The following AUTS2 variants were observed in gnomAD, a reference collection of about 807,000 sequenced individuals.
The protein encoded by AUTS2 is activator of transcription and developmental regulator AUTS2.
A neutral mutation model predicts 112.4 loss-of-function variants in AUTS2; 17 were observed. The ratio of observed to expected loss-of-function variants is 0.15; its 90% CI spans 0.10 to 0.23. The LOEUF (loss-of-function observed/expected upper bound fraction) is 0.23, where lower values mean the gene tolerates loss of function less well. AUTS2 is among the 10% of genes least tolerant of loss of function. The probability of loss-of-function intolerance (pLI) is 1.00; values close to 1 mark genes in which losing one functional copy is unlikely to be tolerated. For missense variants in AUTS2, 1,510 were observed against 1,701.6 expected, an observed-to-expected ratio of 0.89 and a Z score of 1.98; for synonymous variants, 751 against 702.7, an observed-to-expected ratio of 1.07 and a Z score of -1.09.
intron 1 of AUTS2, among the ~76,000 whole-genome samples, chr7:69,689,343 A>ATTTTTTTTTTTT (rs530444257): frequency 2.9e-5 from 3 of 102,500 alleles, no homozygotes; most frequent in Non-Finnish European, 5.6e-5. Flanking sequence ...TAATTAATTA[A>ATTTTTTTTTTTT]TTTTTTTTTT....
chr7:70,214,302 A>G (rs764700487), intron 4 of AUTS2, among the ~76,000 whole-genome samples: 7 of 152,198 alleles, frequency 4.6e-5, no homozygotes, highest in Non-Finnish European at 7.3e-5. Context: ...GATTCCACCC[A>G]ACCACATTTT....
At chr7:69,770,391 A>G (rs907478828) in intron 1 of AUTS2, among the ~76,000 whole-genome samples, 11 of 152,276 alleles carry the variant, frequency 7.2e-5, no homozygotes, top group African/African-American at 2.2e-4. Context: ...GAGACTCACT[A>G]CCCTCAGCCC....
In AUTS2 at chr7:70,641,365, C is replaced by T. The variant is rs183459883; in HGVS notation, c.691-57204C>T. Among the ~76,000 whole-genome samples, 634 of 152,054 alleles carry T rather than the reference C, an allele frequency of 4.2e-3. 3 individuals are homozygous for T. The highest frequency in any genetic ancestry group is 0.014 in the African/African-American group (574 of 41,464). On this transcript the variant is annotated intron_variant, in intron 5 of 18. Coordinates refer to ENST00000342771, the MANE Select transcript of AUTS2 (RefSeq NM_015570.4). ...GAGATCAAGACCATCCTGGCTAACA[C>T]GGTGAAACCCCATCTCTACTAAAAA...
intron 4 of AUTS2, chr7:70,290,218 G>A: frequency 1.3e-6 from 1 of 799,544 alleles, no homozygotes; most frequent in East Asian, 3.3e-5. Context: ...ATGATCATAA[G>A]CTTATGTTTT....
At chr7:70,204,342 G>C (rs1425602641) in intron 4 of AUTS2, among the ~76,000 whole-genome samples, 1 of 152,232 alleles carries the variant, frequency 6.6e-6, no homozygotes. Context: ...GTACAGGGAT[G>C]TAGAAACATG....
chr7:69,983,528 G>A (rs1219004100), intron 2 of AUTS2, among the ~76,000 whole-genome samples: 1 of 152,030 alleles, frequency 6.6e-6, no homozygotes. Context: ...GTGTGTGTGT[G>A]TGTGTGAAGG....
At chr7:69,661,295 T>A (rs970333439) in intron 1 of AUTS2, among the ~76,000 whole-genome samples, 1 of 152,152 alleles carries the variant, frequency 6.6e-6, no homozygotes, top group Non-Finnish European at 1.5e-5. Context: ...GTTAATTGGA[T>A]CAAGTTGACA....
intron 5 of AUTS2, among the ~76,000 whole-genome samples, chr7:70,642,497 TAG>T (rs1037857711): frequency 1.3e-5 from 2 of 152,216 alleles, no homozygotes; most frequent in African/African-American, 2.4e-5. Flanking sequence ...TACCATTTCC[TAG>T]AGTTTGCCTT....
chr7:70,110,117 A>G (rs1324822705), intron 2 of AUTS2, among the ~76,000 whole-genome samples: 1 of 152,244 alleles, frequency 6.6e-6, no homozygotes, highest in South Asian at 2.1e-4. Flanking sequence ...GCGTGTCTAT[A>G]GTAATGATGT....
At chr7:70,080,839 C>T (rs1471731891) in intron 2 of AUTS2, among the ~76,000 whole-genome samples, 1 of 152,116 alleles carries the variant, frequency 6.6e-6, no homozygotes, top group Non-Finnish European at 1.5e-5. Context: ...CTGTCGAACA[C>T]TTAAAGGACA....
intron 4 of AUTS2, among the ~76,000 whole-genome samples, chr7:70,181,123 G>A (rs906810375): frequency 6.6e-6 from 1 of 152,016 alleles, no homozygotes; most frequent in Non-Finnish European, 1.5e-5. Flanking sequence ...GATTAATTCA[G>A]GTTGCTATGT....
intron 3 of AUTS2, among the ~76,000 whole-genome samples, chr7:70,132,290 G>A (rs1308652052): frequency 6.6e-6 from 1 of 151,978 alleles, no homozygotes; most frequent in Non-Finnish European, 1.5e-5. Flanking sequence ...AATGTATATG[G>A]GGATCTTGTG....
chr7:69,800,956 C>T (rs141051877), intron 1 of AUTS2, among the ~76,000 whole-genome samples: 47 of 152,236 alleles, frequency 3.1e-4, no homozygotes, highest in African/African-American at 1.1e-3. Context: ...AATAACACTT[C>T]TTTCACCTTT....
chr7:70,635,467 G>A (rs572706331), intron 5 of AUTS2, among the ~76,000 whole-genome samples: 18 of 152,288 alleles, frequency 1.2e-4, no homozygotes, highest in African/African-American at 3.6e-4. Flanking sequence ...CCCACAGCCC[G>A]TCCCAGGCCT....
At chr7:70,552,208 C>T (rs777480077) in intron 5 of AUTS2, among the ~76,000 whole-genome samples, 2 of 152,072 alleles carry the variant, frequency 1.3e-5, no homozygotes, top group Non-Finnish European at 2.9e-5. Context: ...CGCAGTTCCA[C>T]TAGAGATGTG....
chr7:70,282,425 A>G (rs1379287530), intron 4 of AUTS2, among the ~76,000 whole-genome samples: 1 of 152,170 alleles, frequency 6.6e-6, no homozygotes, highest in Non-Finnish European at 1.5e-5. Flanking sequence ...TTACAAGATC[A>G]AGATGCTGGC....
At chr7:70,745,901 G>C (rs1788420841) in intron 6 of AUTS2, among the ~76,000 whole-genome samples, 1 of 152,032 alleles carries the variant, frequency 6.6e-6, no homozygotes, top group South Asian at 2.1e-4. Context: ...GATTTTTCTG[G>C]CTTAACATGT....
At chr7:70,233,174 T>C (rs945180832) in intron 4 of AUTS2, among the ~76,000 whole-genome samples, 3 of 152,176 alleles carry the variant, frequency 2.0e-5, no homozygotes, top group African/African-American at 7.2e-5. Flanking sequence ...ACCTTTCATA[T>C]TTAGGAGCTG....
intron 5 of AUTS2, among the ~76,000 whole-genome samples, chr7:70,524,081 G>C (rs2129495585): frequency 6.6e-6 from 1 of 152,354 alleles, no homozygotes; most frequent in South Asian, 2.1e-4. Context: ...ACTATTTTAG[G>C]TTGCTGTAGT....
Sources: allele counts gnomAD v4.1 joint callset (sites outside exome capture counted in the v4.1 genomes callset), GRCh38; gene constraint gnomAD v4.1.1; transcripts MANE v1.5; gene names NCBI Gene and HGNC (gene_info 2026-07-23, HGNC 2026-07-21).